EDA: variants seen among roughly 807,000 people sequenced by gnomAD.
The protein encoded by EDA is ectodysplasin A, also known as ectodysplasin-A.
A neutral mutation model predicts 23.6 loss-of-function variants in EDA; 2 were observed. That is an observed-to-expected ratio of 0.08 (90% CI 0.03 to 0.27). The LOEUF (loss-of-function observed/expected upper bound fraction) is 0.27, where lower values mean the gene tolerates loss of function less well. EDA is among the 10% of genes least tolerant of loss of function. EDA has a pLI of 1.00. For missense variants in EDA, 229 were observed against 324.2 expected (o/e 0.71, Z 2.26); for synonymous variants, 131 against 132.0 (o/e 0.99, Z 0.05).
chrX:69,776,078 A>G (rs770554813), intron 1 of EDA, among the ~76,000 whole-genome samples: 4 of 111,869 alleles, frequency 3.6e-5, no homozygotes, highest in Non-Finnish European at 5.6e-5. Flanking sequence ...ATTTCTTATA[A>G]TGTATTAATG....
chrX:69,738,399 G>T (rs1252166453), intron 1 of EDA, among the ~76,000 whole-genome samples: 1 of 108,986 alleles, frequency 9.2e-6, no homozygotes, highest in African/African-American at 3.3e-5. Flanking sequence ...CTTCTGTTTT[G>T]TTTGGTGAGT....
intron 1 of EDA, among the ~76,000 whole-genome samples, chrX:69,647,609 C>T (rs953224913): frequency 1.8e-5 from 2 of 111,449 alleles, no homozygotes; most frequent in African/African-American, 6.5e-5. Context: ...CATGATTCTT[C>T]GCTTCTTTGC....
chrX:69,871,072 G>A (rs2017559120), intron 1 of EDA, among the ~76,000 whole-genome samples: 2 of 111,735 alleles, frequency 1.8e-5, no homozygotes, highest in African/African-American at 3.3e-5. Context: ...CCTCTCATGA[G>A]TGGTGAATCA....
chrX:69,751,102 G>A (rs2013832292), intron 1 of EDA, among the ~76,000 whole-genome samples: 1 of 109,442 alleles, frequency 9.1e-6, no homozygotes, highest in Non-Finnish European at 1.9e-5. Context: ...CCTTGCCCAT[G>A]CCTATGTCCT....
chrX:69,684,457 A>G (rs764165006), intron 1 of EDA, among the ~76,000 whole-genome samples: 5 of 112,080 alleles, frequency 4.5e-5, no homozygotes, highest in South Asian at 3.7e-4. Flanking sequence ...ATCATCTACT[A>G]TGTTCTATTT....
intron 1 of EDA, among the ~76,000 whole-genome samples, chrX:69,655,425 G>T (rs770421436): frequency 9.1e-6 from 1 of 110,045 alleles, no homozygotes; most frequent in African/African-American, 3.3e-5. Context: ...AGACAGTAAA[G>T]GTCCCTCCCC....
rs1439357956 is a variant in EDA at position 69,677,945 on chromosome X, A to G, written c.396+61241A>G. Among the ~76,000 whole-genome samples the G allele has an allele frequency of 5.4e-5, 6 of 111,635 alleles. No homozygotes were observed. In the Admixed American group the frequency reaches 5.7e-4, roughly 11 times the overall value. On this transcript the variant is annotated intron_variant, in intron 1 of 7. Transcript: ENST00000374552. ...GCCTAGGTTTTCTTCTAGGGTTTTTATGGTTTTAGGTCTAACATTTAAGTC... is the reference window on the plus strand; with the variant it reads ...GCCTAGGTTTTCTTCTAGGGTTTTTGTGGTTTTAGGTCTAACATTTAAGTC...
At chrX:70,019,228 C>T (rs1011765509) in intron 2 of EDA, among the ~76,000 whole-genome samples, 4 of 112,138 alleles carry the variant, frequency 3.6e-5, no homozygotes, top group African/African-American at 9.7e-5. Flanking sequence ...AAAAGGAACA[C>T]TTATATACTT....
chrX:69,668,121 T>C (rs1342085724), intron 1 of EDA, among the ~76,000 whole-genome samples: 1 of 112,313 alleles, frequency 8.9e-6, no homozygotes, highest in Non-Finnish European at 1.9e-5. Context: ...TTTATTGCTA[T>C]AAATTCCCTT....
intron 1 of EDA, among the ~76,000 whole-genome samples, chrX:69,833,331 G>A (rs948279212): frequency 4.5e-5 from 5 of 111,227 alleles, no homozygotes; most frequent in Non-Finnish European, 9.4e-5. Context: ...GGTTCTGTGT[G>A]GATTACGTTT....
intron 1 of EDA, among the ~76,000 whole-genome samples, chrX:69,714,144 A>G (rs959894976): frequency 9.0e-6 from 1 of 110,855 alleles, no homozygotes; most frequent in African/African-American, 3.3e-5. Flanking sequence ...TAGTAATTTT[A>G]ATTTTAATTT....
At chrX:69,794,184 C>T (rs907459475) in intron 1 of EDA, among the ~76,000 whole-genome samples, 1 of 109,129 alleles carries the variant, frequency 9.2e-6, no homozygotes, top group Non-Finnish European at 1.9e-5. Flanking sequence ...TTCAAAGGAC[C>T]ATACACAAGC....
intron 1 of EDA, among the ~76,000 whole-genome samples, chrX:69,699,143 C>T (rs760457352): frequency 1.8e-5 from 2 of 110,723 alleles, no homozygotes; most frequent in Non-Finnish European, 3.8e-5. Context: ...TTCTCAAACA[C>T]GGCTAGAAAG....
intron 1 of EDA, among the ~76,000 whole-genome samples, chrX:69,761,137 G>A (rs2014296583): frequency 9.0e-6 from 1 of 110,700 alleles, no homozygotes; most frequent in Non-Finnish European, 1.9e-5. Flanking sequence ...CTATAAGAGA[G>A]GTTAGGAAGA....
intron 1 of EDA, among the ~76,000 whole-genome samples, chrX:69,753,844 T>G (rs1184824821): frequency 1.8e-5 from 2 of 111,151 alleles, no homozygotes; most frequent in East Asian, 2.8e-4. Context: ...TTCTTTGTCT[T>G]TTTTCATCTT....
Position 69,827,981 on chromosome X carries a change from T to C in EDA, c.397-129046T>C, listed in dbSNP as rs756098244. On this transcript the variant is annotated intron_variant, in intron 1 of 7. Transcript: ENST00000374552. ...GCCGTGTGAGGTGTCAGTCTGCCCC[T>C]GCTGGGGGGTGCCTCCCAGTTAGGC... Among the ~76,000 whole-genome samples the C allele has an allele frequency of 1.8e-3, 200 of 110,809 alleles. 2 individuals are homozygous for C. The highest frequency in any genetic ancestry group is 3.9e-3 in the Admixed American group (41 of 10,444).
At chrX:69,776,310 C>T (rs779727292) in intron 1 of EDA, among the ~76,000 whole-genome samples, 2 of 111,722 alleles carry the variant, frequency 1.8e-5, no homozygotes, top group South Asian at 3.7e-4. Flanking sequence ...CAAATCTCAC[C>T]TTGAATTGTA....
chrX:70,021,152 C>CT (rs1160146875), intron 2 of EDA, among the ~76,000 whole-genome samples: 2 of 112,180 alleles, frequency 1.8e-5, no homozygotes, highest in Non-Finnish European at 3.8e-5. Flanking sequence ...ACTCCCTCAT[C>CT]TTTTGTATTT....
intron 2 of EDA, among the ~76,000 whole-genome samples, chrX:69,964,228 C>A (rs776186925): frequency 1.3e-3 from 144 of 111,520 alleles, no homozygotes; most frequent in Non-Finnish European, 2.3e-3. Context: ...ATCTTAGTCT[C>A]TTCTAAAGGG....
Sources: gnomAD v4.1 joint callset for allele counts (sites outside exome capture counted in the v4.1 genomes callset) on GRCh38, gnomAD v4.1.1 for gene constraint, MANE v1.5 for transcripts, NCBI Gene and HGNC (gene_info 2026-07-23, HGNC 2026-07-21) for gene names.